ANO5: variants seen among roughly 807,000 people sequenced by gnomAD.
ANO5 encodes anoctamin 5.
Under a neutral mutation model 121.0 loss-of-function variants are expected in ANO5, and 109 were observed. That is an observed-to-expected ratio of 0.90 (90% confidence interval 0.77 to 1.06). The LOEUF (loss-of-function observed/expected upper bound fraction) is 1.06, where lower values mean the gene tolerates loss of function less well. Ranked by LOEUF, ANO5 falls within the 50% of genes least tolerant of loss-of-function variation. The pLI is 0.00. For synonymous variants in ANO5, 406 were observed against 359.9 expected, an observed-to-expected ratio of 1.13 and a Z score of -1.45; for missense variants, 1,064 against 1,078.5, an observed-to-expected ratio of 0.99 and a Z score of 0.19.
intron 8 of ANO5, among the ~76,000 whole-genome samples, chr11:22,238,259 C>T (rs1410331280): frequency 2.0e-5 from 3 of 146,606 alleles, no homozygotes; most frequent in African/African-American, 7.5e-5. Flanking sequence ...GTCCATCTTT[C>T]TTCACAAAAG....
At chr11:22,204,445 C>T (rs183733341) in intron 2 of ANO5, among the ~76,000 whole-genome samples, 4 of 152,144 alleles carry the variant, frequency 2.6e-5, no homozygotes, top group Admixed American at 2.6e-4. Flanking sequence ...TAAAGAATCC[C>T]ATGCATAGCT....
At chr11:22,271,016 C>A (rs1011257540) in intron 18 of ANO5, among the ~76,000 whole-genome samples, 1 of 152,090 alleles carries the variant, frequency 6.6e-6, no homozygotes, top group African/African-American at 2.4e-5. Context: ...CTGCTCAGAG[C>A]GTTTTCCCTC....
Position 22,257,678 on chromosome 11 carries a change from A to C in ANO5, c.1333-2A>C. On this transcript the variant is annotated splice_acceptor_variant, in intron 13 of 21. Coordinates refer to ENST00000324559, the MANE Select transcript of ANO5 (RefSeq NM_213599.3). LOFTEE classifies it high-confidence loss of function. Reference sequence around the variant, plus strand: ...TTCTTTGTGATTTCTTCAATATTACAGGAGATGGAACCTTACATGCCTCTA... The same window carrying C: ...TTCTTTGTGATTTCTTCAATATTACCGGAGATGGAACCTTACATGCCTCTA... The C allele has an allele frequency of 6.2e-7, 1 of 1,606,770 alleles. No homozygotes were observed. Among genetic ancestry groups the C allele is most frequent in the Non-Finnish European group, 8.5e-7 (1 of 1,173,568 alleles).
rs1456546320 is a variant in ANO5, at chr11:22,193,438, G to A, written c.-55G>A. On this transcript the variant is annotated 5_prime_UTR_variant, in exon 1 of 22. Coordinates refer to ENST00000324559, the MANE Select transcript of ANO5 (RefSeq NM_213599.3). ...GCCTCAGATCTCCACGTCTGTCTCA[G>A]CTGCCCCTCTCCTGCTGCCTCTCAG... The A allele has an allele frequency of 6.3e-7, 1 of 1,583,064 alleles. No homozygotes were observed. The highest frequency in any genetic ancestry group is 1.3e-5 in the African/African-American group (1 of 74,312).
intron 12 of ANO5, among the ~76,000 whole-genome samples, chr11:22,252,045 A>C (rs1046604460): frequency 6.9e-6 from 1 of 144,564 alleles, no homozygotes; most frequent in Non-Finnish European, 1.5e-5. Context: ...AAAAAAAAAA[A>C]AAAAAAAAAA....
At position 22,246,654 on chromosome 11, in the gene ANO5, T is replaced by A. The variant is rs757329123; in HGVS notation, c.879-3583T>A. Among the ~76,000 whole-genome samples, 7 of 151,920 alleles carry A rather than the reference T, an allele frequency of 4.6e-5. No homozygotes were observed. In the East Asian group the frequency reaches 1.4e-3, roughly 29 times the overall value. On this transcript the variant is annotated intron_variant, in intron 9 of 21. Transcript: ENST00000324559. The stretch of plus-strand genomic sequence containing the variant: ...GAGTTTGAGACGATTCTGGTCAACA[T>A]GGTGAAACCCCGTTTCTACCTAAAA...
chr11:22,251,106 C>T, intron 12 of ANO5, 95 bp downstream of exon 12: 4 of 1,252,826 alleles, frequency 3.2e-6, no homozygotes, highest in Non-Finnish European at 4.5e-6. Context: ...TCTTACATAC[C>T]AAATGTGGTT....
At chr11:22,201,480 G>A (rs1162529394) in intron 1 of ANO5, among the ~76,000 whole-genome samples, 1 of 152,146 alleles carries the variant, frequency 6.6e-6, no homozygotes. Flanking sequence ...GCTGATATCT[G>A]AAGGATGTGA....
At chr11:22,206,416 A>T (rs969249182) in intron 2 of ANO5, among the ~76,000 whole-genome samples, 1 of 151,986 alleles carries the variant, frequency 6.6e-6, no homozygotes, top group Non-Finnish European at 1.5e-5. Flanking sequence ...TCCCAGGTTT[A>T]AGTGATTCCC....
intron 9 of ANO5, among the ~76,000 whole-genome samples, chr11:22,248,398 G>A (rs1201923880): frequency 6.6e-6 from 1 of 152,002 alleles, no homozygotes; most frequent in Non-Finnish European, 1.5e-5. Flanking sequence ...AGTGTCTCAT[G>A]TTATTAGATT....
rs56810580 is a variant in ANO5, at chr11:22,218,115, T to TCTCA, written c.139-130_139-129insTCAC. 170 of 607,582 alleles carry TCTCA rather than the reference T, an allele frequency of 2.8e-4. 2 individuals are homozygous for TCTCA. The highest frequency in any genetic ancestry group is 1.1e-3 in the South Asian group (56 of 49,064). 37.6% of individuals were successfully genotyped at this position (607,582 alleles called of 1,614,324 possible). A position where few individuals can be genotyped will look rare whatever the true frequency, so the allele number is the denominator to read the frequency against. On this transcript the variant is annotated intron_variant, in intron 3 of 21. Coordinates refer to ENST00000324559, the MANE Select transcript of ANO5 (RefSeq NM_213599.3). The stretch of plus-strand genomic sequence containing the variant: ...AATTTGTATCCTCCAGTTTGAAATA[T>TCTCA]CACACACACACACACACACACACAC...
chr11:22,245,187 G>C (rs1019283865), intron 9 of ANO5, among the ~76,000 whole-genome samples: 1 of 152,150 alleles, frequency 6.6e-6, no homozygotes, highest in African/African-American at 2.4e-5. Context: ...GCACTTAGGA[G>C]TAAGAGCCAG....
At chr11:22,274,958 G>A (rs958017664) in intron 20 of ANO5, among the ~76,000 whole-genome samples, 1 of 151,852 alleles carries the variant, frequency 6.6e-6, no homozygotes, top group African/African-American at 2.4e-5. Context: ...ATGGGTAAAG[G>A]TAAAATGGCA....
At chr11:22,201,693 G>T (rs1237017942) in intron 1 of ANO5, among the ~76,000 whole-genome samples, 1 of 152,114 alleles carries the variant, frequency 6.6e-6, no homozygotes, top group Non-Finnish European at 1.5e-5. Flanking sequence ...GGCATCACTT[G>T]GTGAGAGAGC....
intron 3 of ANO5, among the ~76,000 whole-genome samples, chr11:22,213,970 A>G (rs186823217): frequency 2.0e-5 from 3 of 151,832 alleles, no homozygotes; most frequent in African/African-American, 7.2e-5. Flanking sequence ...TGGCATGATC[A>G]TAGTTCACTG....
chr11:22,250,850 T>C lies in ANO5; in HGVS notation c.1119+4T>C. 1 of 1,612,946 alleles carries C rather than the reference T, an allele frequency of 6.2e-7. No individual in the cohort carries two copies. The highest frequency in any genetic ancestry group is 8.5e-7 in the Non-Finnish European group (1 of 1,178,950). ...TAGTACGTGTTTGGCTTCAAAGGTA[T>C]GTATGCATTGTAACATGTTGAAAAG... On this transcript the variant is annotated splice_donor_region_variant and intron_variant, in intron 11 of 21. Coordinates refer to ENST00000324559, the MANE Select transcript of ANO5 (RefSeq NM_213599.3).
chr11:22,237,531 C>G (rs576252945), intron 8 of ANO5, among the ~76,000 whole-genome samples: 4 of 152,162 alleles, frequency 2.6e-5, no homozygotes, highest in Non-Finnish European at 5.9e-5. Context: ...GCTGGGATTA[C>G]AGGCACACAC....
intron 5 of ANO5, among the ~76,000 whole-genome samples, chr11:22,223,690 A>T (rs1313858807): frequency 6.6e-6 from 1 of 151,630 alleles, no homozygotes; most frequent in Non-Finnish European, 1.5e-5. Context: ...TGCTTTATTA[A>T]CTCTTTTCTG....
chr11:22,271,557 TTGTG>T (rs1854612474), intron 18 of ANO5, among the ~76,000 whole-genome samples: 1 of 152,208 alleles, frequency 6.6e-6, no homozygotes, highest in African/African-American at 2.4e-5. Flanking sequence ...TGATTTTTAA[TTGTG>T]TAAGTTTCAA....
Sources: allele counts gnomAD v4.1 joint callset (sites outside exome capture counted in the v4.1 genomes callset), GRCh38; gene constraint gnomAD v4.1.1; transcripts MANE v1.5; gene names NCBI Gene and HGNC (gene_info 2026-07-23, HGNC 2026-07-21).